ASXL3: variants seen among roughly 807,000 people sequenced by gnomAD.
ASXL3 encodes the protein putative Polycomb group protein ASXL3.
A neutral mutation model predicts 170.6 loss-of-function variants in ASXL3; 34 were observed. That is an observed-to-expected ratio of 0.20 (90% CI 0.15 to 0.27). ASXL3 has a LOEUF of 0.27. Among genes scored for constraint, ASXL3 ranks in the 10% least tolerant of loss-of-function variants. The pLI is 1.00. For synonymous variants in ASXL3, 1,002 were observed against 989.1 expected (o/e 1.01, Z -0.24); for missense variants, 2,592 against 2,695.3 (o/e 0.96, Z 0.85).
At chr18:33,676,870 A>G (rs1013217276) in intron 7 of ASXL3, among the ~76,000 whole-genome samples, 6 of 152,350 alleles carry the variant, frequency 3.9e-5, no homozygotes, top group African/African-American at 1.4e-4. Flanking sequence ...CACTGTTTTC[A>G]TGGCACTTAG....
intron 1 of ASXL3, among the ~76,000 whole-genome samples, chr18:33,592,848 T>C (rs867447557): frequency 6.6e-6 from 1 of 152,214 alleles, no homozygotes; most frequent in African/African-American, 2.4e-5. Flanking sequence ...TTGTAAAATC[T>C]TCCTTTCCAG....
chr18:33,673,986 G>A (rs1437115293), intron 7 of ASXL3, among the ~76,000 whole-genome samples: 2 of 152,164 alleles, frequency 1.3e-5, no homozygotes, highest in East Asian at 1.9e-4. Context: ...CACATTCACT[G>A]GCCATATATA....
intron 8 of ASXL3, among the ~76,000 whole-genome samples, chr18:33,700,884 A>G (rs2066862669): frequency 1.3e-5 from 2 of 152,068 alleles, no homozygotes; most frequent in East Asian, 1.9e-4. Flanking sequence ...AAGTAAAGGG[A>G]TGAGTCAACA....
rs1293958868 is a variant in ASXL3 at position 33,746,268 on chromosome 18, G to A, written c.6420G>A (p.Gln2140=). ...AGCCTTTTACCCAATTAGCTGCTCA[G>A]AAAATGCAGGTGCAGCAACAACAGC... ...PQKPFTQLAA[Q]KMQVQQQQQL... The change falls in exon 12 of 12, where the codon CAG becomes CAA. Residue 2140 remains glutamine (Q), a synonymous_variant. Transcript: ENST00000269197. The A allele has an allele frequency of 1.3e-5, 21 of 1,614,010 alleles. No homozygotes were observed. The highest frequency in any genetic ancestry group is 1.4e-5 in the Non-Finnish European group (17 of 1,179,892).
intron 1 of ASXL3, among the ~76,000 whole-genome samples, chr18:33,603,486 T>C (rs1340143952): frequency 6.6e-6 from 1 of 152,064 alleles, no homozygotes. Flanking sequence ...AATGAGACTA[T>C]CTTGCCTCAA....
At chr18:33,736,805 C>T (rs1327139531) in intron 10 of ASXL3, among the ~76,000 whole-genome samples, 1 of 152,150 alleles carries the variant, frequency 6.6e-6, no homozygotes, top group East Asian at 1.9e-4. Context: ...CTGTGAACAT[C>T]TTCCTCCTAT....
At chr18:33,609,186 C>A in intron 2 of ASXL3, 1 of 423,830 alleles carries the variant, frequency 2.4e-6, no homozygotes, top group Non-Finnish European at 3.2e-6. Flanking sequence ...TAATTTTCTT[C>A]TTGCCACCTG....
chr18:33,597,625 C>T (rs1296105512), intron 1 of ASXL3, among the ~76,000 whole-genome samples: 1 of 151,866 alleles, frequency 6.6e-6, no homozygotes, highest in Non-Finnish European at 1.5e-5. Context: ...TTAAATTATC[C>T]TCCAAGTGAG....
At chr18:33,594,021 A>G (rs537135480) in intron 1 of ASXL3, among the ~76,000 whole-genome samples, 33 of 152,320 alleles carry the variant, frequency 2.2e-4, no homozygotes, top group Admixed American at 7.2e-4. Context: ...ACCTGATGGC[A>G]GGCATAGTTA....
At position 33,672,924 on chromosome 18, in the gene ASXL3, T is replaced by C. The variant is rs1274256969; in HGVS notation, c.715+1058T>C. ...AGACCTTTAGGAAAGCAGAATCTCT[T>C]TTTTATTTAAAGTCTTTAAATATAG... On this transcript the variant is annotated intron_variant, in intron 7 of 11. Coordinates refer to ENST00000269197, the MANE Select transcript of ASXL3 (RefSeq NM_030632.3). 2.0e-5 allele frequency among the ~76,000 whole-genome samples: 3 copies of C among 152,160 alleles called. No homozygotes were observed. The East Asian group carries it at 5.8e-4, about 29-fold the overall frequency.
chr18:33,623,359 T>C (rs2145156684), intron 2 of ASXL3, among the ~76,000 whole-genome samples: 1 of 152,316 alleles, frequency 6.6e-6, no homozygotes. Context: ...GGACTTGTGA[T>C]ATTTTCAGAT....
Position 33,746,839 on chromosome 18 carries a change from A to G in ASXL3, c.*244A>G, listed in dbSNP as rs1461602552. ...CCATTCCTAGCTTTGGAAAGTTTCT[A>G]TCTGTCCATGTGTATACAAGTCAAT... On this transcript the variant is annotated 3_prime_UTR_variant, in exon 12 of 12. Transcript: ENST00000269197. 9 of 557,274 alleles carry G rather than the reference A, an allele frequency of 1.6e-5. No homozygotes were observed. Among genetic ancestry groups the G allele is most frequent in the East Asian group, 1.3e-4 (4 of 31,322 alleles). 34.5% of individuals were successfully genotyped at this position (557,274 alleles called of 1,614,324 possible). A position where few individuals can be genotyped will look rare whatever the true frequency, so the allele number is the denominator to read the frequency against.
At chr18:33,591,596 A>C (rs1341153438) in intron 1 of ASXL3, among the ~76,000 whole-genome samples, 1 of 152,046 alleles carries the variant, frequency 6.6e-6, no homozygotes, top group East Asian at 1.9e-4. Context: ...TGAATGCATA[A>C]ATCTAGATAT....
rs76314858 is a variant in ASXL3 at position 33,613,614 on chromosome 18, A to G, written c.137+5938A>G. The stretch of plus-strand genomic sequence containing the variant: ...ATTATGTATGTAAAACACTGTACAT[A>G]CCTTAATTTAAAAAATACTTTATGC... On this transcript the variant is annotated intron_variant, in intron 2 of 11. Coordinates refer to ENST00000269197, the MANE Select transcript of ASXL3 (RefSeq NM_030632.3). Among the ~76,000 whole-genome samples the G allele has an allele frequency of 3.2e-3, 483 of 152,220 alleles. 8 individuals are homozygous for G. The East Asian group carries it at 0.048, about 15-fold the overall frequency.
intron 6 of ASXL3, 120 bp downstream of exon 6, chr18:33,670,910 T>A: frequency 1.7e-6 from 1 of 596,752 alleles, no homozygotes; most frequent in Non-Finnish European, 2.8e-6. Flanking sequence ...AGGTTTGGTT[T>A]AATTTCTTTA....
rs1018216649 is a variant in ASXL3 at position 33,746,803 on chromosome 18, G to T, written c.*208G>T. Reference sequence around the variant, plus strand: ...AATGGCTCACTGGCATGTCTTTTATGTGTTCAGTTGCCATTCCTAGCTTTG... The same window carrying T: ...AATGGCTCACTGGCATGTCTTTTATTTGTTCAGTTGCCATTCCTAGCTTTG... On this transcript the variant is annotated 3_prime_UTR_variant, in exon 12 of 12. Coordinates refer to ENST00000269197, the MANE Select transcript of ASXL3 (RefSeq NM_030632.3). 5.5e-6 allele frequency: 4 copies of T among 725,566 alleles called. No homozygotes were observed. In the African/African-American group the frequency reaches 7.1e-5, roughly 13 times the overall value. The allele number at this position is 725,566 out of a possible 1,614,324, so 44.9% of individuals were successfully genotyped here. A position where few individuals can be genotyped will look rare whatever the true frequency, so the allele number is the denominator to read the frequency against.
chr18:33,731,648 A>G (rs1027765316), intron 8 of ASXL3, among the ~76,000 whole-genome samples: 1 of 152,132 alleles, frequency 6.6e-6, no homozygotes, highest in Non-Finnish European at 1.5e-5. Context: ...CACCAACTAC[A>G]TAAGAAGCCA....
intron 11 of ASXL3, among the ~76,000 whole-genome samples, chr18:33,742,302 G>A (rs548784685): frequency 1.3e-3 from 194 of 152,318 alleles, no homozygotes; most frequent in Non-Finnish European, 2.2e-3. Flanking sequence ...AAAGCAGCAT[G>A]CAAGGTAGCA....
At chr18:33,698,600 A>T (rs751462322) in intron 8 of ASXL3, among the ~76,000 whole-genome samples, 3 of 152,136 alleles carry the variant, frequency 2.0e-5, no homozygotes, top group Admixed American at 6.6e-5. Flanking sequence ...GCTATAGAAT[A>T]GATTTAGAAG....
Sources: gnomAD v4.1 joint callset for allele counts (sites outside exome capture counted in the v4.1 genomes callset) on GRCh38, gnomAD v4.1.1 for gene constraint, MANE v1.5 for transcripts, NCBI Gene and HGNC (gene_info 2026-07-23, HGNC 2026-07-21) for gene names.